VPS13B: variants seen among roughly 807,000 people sequenced by gnomAD.
VPS13B encodes intermembrane lipid transfer protein VPS13B.
In VPS13B, 285 loss-of-function variants were observed where a neutral mutation model predicts 426.4. That is an observed-to-expected ratio of 0.67 (90% CI 0.61 to 0.74). The LOEUF (loss-of-function observed/expected upper bound fraction) is 0.74, where lower values mean the gene tolerates loss of function less well. VPS13B is among the 30% of genes least tolerant of loss of function. VPS13B has a pLI of 0.00. For synonymous variants in VPS13B, 1,676 were observed against 1,676.4 expected, an observed-to-expected ratio of 1.00 and a Z score of 0.01; for missense variants, 4,537 against 4,782.6, an observed-to-expected ratio of 0.95 and a Z score of 1.51.
At position 99,229,472 on chromosome 8, in the gene VPS13B, GGATT is replaced by G. The variant is rs372113202; in HGVS notation, c.2515+36440_2515+36443del. On this transcript the variant is annotated intron_variant, in intron 17 of 61. Transcript: ENST00000357162. ...CTTTGGGATGATACTAATTATTCAT[GGATT>G]GATTGATTGATTGATTGATTGATTC... 8.6e-3 allele frequency among the ~76,000 whole-genome samples: 1,302 copies of G among 152,118 alleles called. 14 individuals carry two copies. Among genetic ancestry groups the G allele is most frequent in the African/African-American group, 0.028 (1,160 of 41,512 alleles).
chr8:99,137,116 G>T (rs917388365), intron 12 of VPS13B, among the ~76,000 whole-genome samples: 2 of 152,006 alleles, frequency 1.3e-5, no homozygotes, highest in Admixed American at 6.6e-5. Flanking sequence ...TAAAAAGAAT[G>T]TGTTGTATCA....
chr8:99,471,249 A>AT (rs1389828680), intron 24 of VPS13B, among the ~76,000 whole-genome samples: 1 of 152,084 alleles, frequency 6.6e-6, no homozygotes, highest in Non-Finnish European at 1.5e-5. Context: ...GGGTAAATAT[A>AT]TTTTTTAAAA....
At chr8:99,591,306 A>G (rs996728113) in intron 33 of VPS13B, among the ~76,000 whole-genome samples, 8 of 150,916 alleles carry the variant, frequency 5.3e-5, no homozygotes, top group Non-Finnish European at 1.0e-4. Context: ...TCTTTATCCA[A>G]TTTGCCAGTT....
intron 19 of VPS13B, among the ~76,000 whole-genome samples, chr8:99,313,649 C>T (rs1256933068): frequency 5.9e-5 from 9 of 152,150 alleles, no homozygotes; most frequent in Admixed American, 4.6e-4. Context: ...TGTCCATTCT[C>T]AGATTTCAAA....
At chr8:99,369,404 G>T (rs1035222282) in intron 19 of VPS13B, among the ~76,000 whole-genome samples, 3 of 152,146 alleles carry the variant, frequency 2.0e-5, no homozygotes, top group Non-Finnish European at 4.4e-5. Flanking sequence ...ATACATATCC[G>T]CAAGGCATAG....
intron 35 of VPS13B, among the ~76,000 whole-genome samples, chr8:99,675,168 A>C (rs1037412070): frequency 6.6e-6 from 1 of 151,882 alleles, no homozygotes. Context: ...GAAAGTTTTT[A>C]TCTCTCTTTC....
intron 19 of VPS13B, among the ~76,000 whole-genome samples, chr8:99,315,686 G>T (rs1809606103): frequency 6.6e-6 from 1 of 151,490 alleles, no homozygotes; most frequent in Non-Finnish European, 1.5e-5. Context: ...GCCCAGGCTG[G>T]AGTGCAGTGG....
intron 35 of VPS13B, among the ~76,000 whole-genome samples, chr8:99,691,676 A>G: frequency 6.6e-6 from 1 of 150,518 alleles, no homozygotes; most frequent in African/African-American, 2.5e-5. Flanking sequence ...TGACAGGATC[A>G]AATTCACACA....
intron 17 of VPS13B, among the ~76,000 whole-genome samples, chr8:99,207,157 C>T (rs796100640): frequency 6.6e-6 from 1 of 152,006 alleles, no homozygotes; most frequent in Non-Finnish European, 1.5e-5. Flanking sequence ...ATTGAGAGCT[C>T]ATTTATAGAA....
At chr8:99,739,181 G>A (rs1008159564) in intron 39 of VPS13B, among the ~76,000 whole-genome samples, 5 of 152,208 alleles carry the variant, frequency 3.3e-5, no homozygotes, top group Non-Finnish European at 7.3e-5. Context: ...ATTACATCCC[G>A]TACCTGGCTC....
At chr8:99,155,949 C>T (rs1008131030) in intron 14 of VPS13B, among the ~76,000 whole-genome samples, 2 of 152,132 alleles carry the variant, frequency 1.3e-5, no homozygotes, top group Non-Finnish European at 2.9e-5. Context: ...CATCTTGAAA[C>T]TTACCTGTAT....
At chr8:99,835,049 C>T (rs1005829252) in intron 52 of VPS13B, 148 bp from the exon 53 acceptor site, 1 of 864,976 alleles carries the variant, frequency 1.2e-6, no homozygotes, top group Non-Finnish European at 1.8e-6. Flanking sequence ...AAATATGTTA[C>T]TGTTATCAGA....
chr8:99,798,699 A>G (rs920574847), intron 43 of VPS13B, among the ~76,000 whole-genome samples: 3 of 152,152 alleles, frequency 2.0e-5, no homozygotes, highest in Non-Finnish European at 4.4e-5. Flanking sequence ...CTGGCAATAA[A>G]TCTCAGATAT....
intron 17 of VPS13B, among the ~76,000 whole-genome samples, chr8:99,207,175 T>C (rs1814777938): frequency 6.6e-6 from 1 of 152,172 alleles, no homozygotes; most frequent in Non-Finnish European, 1.5e-5. Context: ...GAATATGTGG[T>C]CATTATTAAG....
At chr8:99,238,437 A>C (rs1816752150) in intron 17 of VPS13B, among the ~76,000 whole-genome samples, 1 of 152,202 alleles carries the variant, frequency 6.6e-6, no homozygotes, top group South Asian at 2.1e-4. Flanking sequence ...CCATGGGGCA[A>C]GCTTAGGTGA....
intron 8 of VPS13B, chr8:99,121,650 TC>T (rs1847940100): frequency 7.5e-7 from 1 of 1,330,370 alleles, no homozygotes; most frequent in Non-Finnish European, 9.7e-7. Flanking sequence ...TAGGGCATTC[TC>T]CACATTTCTT....
chr8:99,101,255 C>T (rs181045196), intron 4 of VPS13B, among the ~76,000 whole-genome samples: 95 of 152,230 alleles, frequency 6.2e-4, no homozygotes, highest in Middle Eastern at 3.4e-3. Context: ...CTTCAGCCTC[C>T]TGAGTAGCTG....
chr8:99,231,996 A>G (rs1040308251), intron 17 of VPS13B, among the ~76,000 whole-genome samples: 25 of 152,318 alleles, frequency 1.6e-4, no homozygotes, highest in African/African-American at 6.0e-4. Flanking sequence ...TGCTAGGACA[A>G]GTACCATTGA....
intron 23 of VPS13B, among the ~76,000 whole-genome samples, chr8:99,467,012 A>G (rs115577801): frequency 0.013 from 1,932 of 152,176 alleles, 45 homozygotes; most frequent in African/African-American, 0.044. Flanking sequence ...ACAGAAACAT[A>G]TTGTCTCAAA....
Sources: allele counts gnomAD v4.1 joint callset (sites outside exome capture counted in the v4.1 genomes callset), GRCh38; gene constraint gnomAD v4.1.1; transcripts MANE v1.5; gene names NCBI Gene and HGNC (gene_info 2026-07-23, HGNC 2026-07-21).